The following SH3BGRL2 variants were observed in gnomAD, a reference collection of about 807,000 sequenced individuals.
SH3BGRL2 encodes the protein SH3 domain binding glutamate rich protein like 2.
In SH3BGRL2, 21 loss-of-function variants were observed where a neutral mutation model predicts 14.8. The ratio of observed to expected loss-of-function variants is 1.42; its 90% CI spans 1.01 to 2.05. The LOEUF is 2.05. SH3BGRL2 is among the 30% of genes most tolerant of loss of function. The probability of loss-of-function intolerance (pLI) is 0.00; values close to 1 mark genes in which losing one functional copy is unlikely to be tolerated. For synonymous variants in SH3BGRL2, 50 were observed against 47.8 expected, an observed-to-expected ratio of 1.05 and a Z score of -0.19; for missense variants, 147 against 130.8, an observed-to-expected ratio of 1.12 and a Z score of -0.61.
the SH3BGRL2 span, chr6:79,573,889 C>T: frequency 6.6e-6 from 1 of 152,004 alleles, no homozygotes; most frequent in Non-Finnish European, 1.5e-5. Context: ...TTGCAAATAA[C>T]ACAGTTTCAA....
the SH3BGRL2 span, among the ~76,000 whole-genome samples, chr6:79,619,733 G>T: frequency 1.3e-5 from 2 of 152,196 alleles, no homozygotes; most frequent in Non-Finnish European, 2.9e-5. Context: ...TGGGAAGATG[G>T]AGAGGGATGA....
At chr6:79,591,806 T>C in the SH3BGRL2 span, among the ~76,000 whole-genome samples, 193 of 152,352 alleles carry the variant, frequency 1.3e-3, 1 homozygote, top group Non-Finnish European at 2.3e-3. Flanking sequence ...CAAGAGCTAC[T>C]GCTCAGAATT....
At chr6:79,683,629 A>T (rs1484187990) in intron 2 of SH3BGRL2, among the ~76,000 whole-genome samples, 1 of 152,020 alleles carries the variant, frequency 6.6e-6, no homozygotes, top group Non-Finnish European at 1.5e-5. Flanking sequence ...TTGTATATTT[A>T]GTAGAGACGG....
At chr6:79,540,341 A>G in the SH3BGRL2 span, among the ~76,000 whole-genome samples, 3 of 152,128 alleles carry the variant, frequency 2.0e-5, no homozygotes, top group African/African-American at 7.2e-5. Context: ...AGGCTGAGGC[A>G]GGAGAATGGC....
chr6:79,600,674 C>T, the SH3BGRL2 span, among the ~76,000 whole-genome samples: 5 of 152,126 alleles, frequency 3.3e-5, no homozygotes, highest in South Asian at 2.1e-4. Context: ...CCAGCTCACC[C>T]GGGAGCTGGG....
At chr6:79,595,726 T>G in the SH3BGRL2 span, among the ~76,000 whole-genome samples, 1 of 152,292 alleles carries the variant, frequency 6.6e-6, no homozygotes, top group East Asian at 1.9e-4. Context: ...TACTTAATGG[T>G]AAAAGATTGG....
chr6:79,600,535 A>G, the SH3BGRL2 span, among the ~76,000 whole-genome samples: 1 of 152,176 alleles, frequency 6.6e-6, no homozygotes, highest in African/African-American at 2.4e-5. Flanking sequence ...AGTAGGCAGA[A>G]GGCAGATCAG....
At chr6:79,595,789 TC>T in the SH3BGRL2 span, among the ~76,000 whole-genome samples, 2 of 152,172 alleles carry the variant, frequency 1.3e-5, no homozygotes, top group African/African-American at 4.8e-5. Flanking sequence ...TTTTGCTACT[TC>T]TATTTAACTT....
intron 2 of SH3BGRL2, among the ~76,000 whole-genome samples, chr6:79,677,556 A>G (rs1769909654): frequency 6.6e-6 from 1 of 152,152 alleles, no homozygotes; most frequent in East Asian, 1.9e-4. Flanking sequence ...GATGGGGCCA[A>G]CCATAGCTGT....
chr6:79,638,735 T>C (rs1768974280), intron 1 of SH3BGRL2, among the ~76,000 whole-genome samples: 1 of 152,180 alleles, frequency 6.6e-6, no homozygotes, highest in Non-Finnish European at 1.5e-5. Context: ...GTTGGCCATT[T>C]GTATGTCTTC....
the SH3BGRL2 span, among the ~76,000 whole-genome samples, chr6:79,568,198 A>C: frequency 6.6e-6 from 1 of 152,164 alleles, no homozygotes. Context: ...CCTAACACCC[A>C]GCAATTCCAC....
At chr6:79,667,556 C>G (rs1769685236) in intron 1 of SH3BGRL2, among the ~76,000 whole-genome samples, 1 of 151,970 alleles carries the variant, frequency 6.6e-6, no homozygotes, top group African/African-American at 2.4e-5. Flanking sequence ...AAGGGATTCT[C>G]CCACCTCAGC....
At chr6:79,539,544 CA>C in the SH3BGRL2 span, among the ~76,000 whole-genome samples, 1 of 152,212 alleles carries the variant, frequency 6.6e-6, no homozygotes, top group African/African-American at 2.4e-5. Flanking sequence ...ATTGATACTG[CA>C]ATATCTCCAG....
chr6:79,555,516 G>A, the SH3BGRL2 span, among the ~76,000 whole-genome samples: 2 of 152,090 alleles, frequency 1.3e-5, no homozygotes, highest in African/African-American at 2.4e-5. Context: ...CTGACAAACT[G>A]TTTGTTTTGT....
At chr6:79,633,923 G>A (rs1380218791) in intron 1 of SH3BGRL2, among the ~76,000 whole-genome samples, 2 of 152,208 alleles carry the variant, frequency 1.3e-5, no homozygotes, top group Non-Finnish European at 2.9e-5. Context: ...AGCTTTAGTG[G>A]CGTAGCCATG....
intron 2 of SH3BGRL2, among the ~76,000 whole-genome samples, chr6:79,689,676 TA>T (rs1382320440): frequency 6.6e-6 from 1 of 152,116 alleles, no homozygotes; most frequent in African/African-American, 2.4e-5. Context: ...TGTTGGTTTA[TA>T]TATATGAAAC....
upstream of SH3BGRL2, among the ~76,000 whole-genome samples, chr6:79,626,646 C>T (rs1768731204): frequency 6.6e-6 from 1 of 152,178 alleles, no homozygotes; most frequent in African/African-American, 2.4e-5. Flanking sequence ...CCTGGATGCC[C>T]ATAGGGCTGT....
At chr6:79,572,339 G>A in the SH3BGRL2 span, among the ~76,000 whole-genome samples, 1 of 152,116 alleles carries the variant, frequency 6.6e-6, no homozygotes, top group Non-Finnish European at 1.5e-5. Flanking sequence ...TTTATTTACA[G>A]TCTCACAAAT....
intron 2 of SH3BGRL2, among the ~76,000 whole-genome samples, chr6:79,692,315 A>G (rs997328832): frequency 1.3e-5 from 2 of 151,788 alleles, no homozygotes; most frequent in Non-Finnish European, 2.9e-5. Flanking sequence ...TTGCCTGTTC[A>G]CTCTGATGGT....
Sources: gnomAD v4.1 joint callset for allele counts (sites outside exome capture counted in the v4.1 genomes callset) on GRCh38, gnomAD v4.1.1 for gene constraint, MANE v1.5 for transcripts, NCBI Gene and HGNC (gene_info 2026-07-23, HGNC 2026-07-21) for gene names.